The following PSMB7 variants were observed in gnomAD, a reference collection of about 807,000 sequenced individuals.
PSMB7 encodes the protein proteasome subunit beta type-7.
Under a neutral mutation model 28.1 loss-of-function variants are expected in PSMB7, and 5 were observed. That is an observed-to-expected ratio of 0.18 (90% CI 0.09 to 0.37). The LOEUF (loss-of-function observed/expected upper bound fraction) is 0.37. Ranked by LOEUF, PSMB7 falls within the 10% of genes least tolerant of loss-of-function variation. PSMB7 has a pLI of 1.00. For synonymous variants in PSMB7, 122 were observed against 123.7 expected (o/e 0.99, Z 0.09); for missense variants, 275 against 346.2 (o/e 0.79, Z 1.63).
chr9:124,404,224 C>T (rs1342996253), intron 5 of PSMB7, among the ~76,000 whole-genome samples: 2 of 152,078 alleles, frequency 1.3e-5, no homozygotes, highest in Non-Finnish European at 2.9e-5. Context: ...TCTGCCTCCA[C>T]CCCAGCCCCT....
At chr9:124,399,810 T>A (rs540778051) in intron 5 of PSMB7, among the ~76,000 whole-genome samples, 1 of 152,230 alleles carries the variant, frequency 6.6e-6, no homozygotes, top group South Asian at 2.1e-4. Flanking sequence ...GGATTCGTCC[T>A]CACCCTCAAC....
At chr9:124,390,237 C>T (rs1331074360) in intron 5 of PSMB7, among the ~76,000 whole-genome samples, 1 of 152,180 alleles carries the variant, frequency 6.6e-6, no homozygotes, top group Non-Finnish European at 1.5e-5. Flanking sequence ...TACTTTGACA[C>T]ACTTGGAGAA....
intron 6 of PSMB7, among the ~76,000 whole-genome samples, chr9:124,357,754 G>GC (rs1352091798): frequency 6.6e-6 from 1 of 152,132 alleles, no homozygotes; most frequent in African/African-American, 2.4e-5. Context: ...GGTGGATGAC[G>GC]CCCCCAGATC....
At chr9:124,358,517 G>A (rs912217955) in intron 6 of PSMB7, among the ~76,000 whole-genome samples, 1 of 152,210 alleles carries the variant, frequency 6.6e-6, no homozygotes, top group Non-Finnish European at 1.5e-5. Flanking sequence ...ATTCTCAACA[G>A]TCTATGGGGC....
intron 7 of PSMB7, among the ~76,000 whole-genome samples, chr9:124,354,911 G>A (rs897551206): frequency 3.3e-5 from 5 of 152,192 alleles, no homozygotes; most frequent in Non-Finnish European, 7.3e-5. Context: ...CGATTTTTGC[G>A]GCATGCATTC....
chr9:124,412,265 T>G (rs1216846455), intron 4 of PSMB7, 87 bp downstream of exon 4: 17 of 1,320,674 alleles, frequency 1.3e-5, no homozygotes, highest in Non-Finnish European at 1.6e-5. Flanking sequence ...GAATGTGTTT[T>G]TGCTACTTTC....
At chr9:124,408,405 C>A (rs542300392) in intron 4 of PSMB7, among the ~76,000 whole-genome samples, 164 of 152,224 alleles carry the variant, frequency 1.1e-3, no homozygotes, top group Middle Eastern at 3.4e-3. Context: ...CCTAATAATA[C>A]CTTAAATACC....
rs551509849 is a variant in PSMB7 at position 124,405,328 on chromosome 9, T to C, written c.500A>G (p.Tyr167Cys). The C allele has an allele frequency of 6.2e-7, 1 of 1,609,532 alleles. No homozygotes were observed. Among genetic ancestry groups the C allele is most frequent in the East Asian group, 2.2e-5 (1 of 44,832 alleles). ...AACGTTACACTCACCCATGGTGACA[T>C]AAGGCAACTTATCAGTTGATCCATG... ...YPHGSTDKLP[Y>C]VTMGSGSLAA... The change falls in exon 5 of 8, where the codon TAT becomes TGT. Residue 167 changes from tyrosine (Y) to cysteine (C), a missense_variant. Physicochemically the swap from Tyr to Cys is radical, Grantham distance 194. Around this residue, in one of 2 missense-constraint regions of PSMB7, gnomAD observed 213 missense variants for 302.4 expected, o/e 0.70. Coordinates refer to ENST00000259457, the MANE Select transcript of PSMB7 (RefSeq NM_002799.4).
chr9:124,408,926 T>C (rs1305746700), intron 4 of PSMB7, among the ~76,000 whole-genome samples: 2 of 152,192 alleles, frequency 1.3e-5, no homozygotes, highest in Non-Finnish European at 1.5e-5. Flanking sequence ...AATGCCCTAG[T>C]ATAGAACCCA....
At chr9:124,382,200 CTTTTTTTTTTT>C (rs1164339420) in intron 6 of PSMB7, among the ~76,000 whole-genome samples, 6 of 55,962 alleles carry the variant, frequency 1.1e-4, no homozygotes, top group Admixed American at 6.3e-4. Context: ...TCTCTTTTCT[CTTTTTTTTTTT>C]TTTTTTTTTT....
At chr9:124,360,226 A>C (rs528402588) in intron 6 of PSMB7, among the ~76,000 whole-genome samples, 49 of 152,356 alleles carry the variant, frequency 3.2e-4, no homozygotes, top group Non-Finnish European at 5.6e-4. Context: ...ATCAAGAAAA[A>C]CCACAAACTA....
At chr9:124,402,310 C>A (rs1158832343) in intron 5 of PSMB7, among the ~76,000 whole-genome samples, 1 of 152,224 alleles carries the variant, frequency 6.6e-6, no homozygotes, top group African/African-American at 2.4e-5. Context: ...TGGGCAGACA[C>A]AAAGCTGTTT....
intron 1 of PSMB7, 178 bp from the exon 2 acceptor site, chr9:124,415,113 A>T: frequency 1.6e-6 from 1 of 630,884 alleles, no homozygotes; most frequent in African/African-American, 1.8e-5. Context: ...ACAGTCTTAC[A>T]AAGGGGCCGT....
In PSMB7 at chr9:124,413,908, T is replaced by C; in HGVS notation, c.254A>G (p.Tyr85Cys). Residue 85 changes from tyrosine to cysteine, a missense_variant and splice_region_variant, in exon 3 of 8, where the codon TAT becomes TGT. Around this residue, in one of 2 missense-constraint regions of PSMB7, gnomAD observed 213 missense variants for 302.4 expected, o/e 0.70. Coordinates refer to ENST00000259457, the MANE Select transcript of PSMB7 (RefSeq NM_002799.4). ...GTTATTCAAACGAATCAATACTTAC[T>C]AAATATTAGGAGATATGAAGTGTAT... ...SKIHFISPNI[Y>C]CCGAGTAADT... 6.3e-7 allele frequency: 1 copy of C among 1,593,264 alleles called. No homozygotes were observed. The highest frequency in any genetic ancestry group is 8.6e-7 in the Non-Finnish European group (1 of 1,162,862).
intron 4 of PSMB7, among the ~76,000 whole-genome samples, chr9:124,407,477 A>C (rs1287183885): frequency 6.6e-6 from 1 of 152,158 alleles, no homozygotes; most frequent in African/African-American, 2.4e-5. Flanking sequence ...GAGAAGCCAC[A>C]ATCGCCAGTC....
intron 6 of PSMB7, among the ~76,000 whole-genome samples, chr9:124,378,059 G>A (rs1192051034): frequency 6.6e-6 from 1 of 152,236 alleles, no homozygotes; most frequent in Non-Finnish European, 1.5e-5. Context: ...TTTAAGTTGA[G>A]CATCTTCAAA....
Position 124,413,928 on chromosome 9 carries a change from G to A in PSMB7, c.234C>T (p.His78=), listed in dbSNP as rs778715234. ...VVADKNCSKI[H]FISPNIYCCG... ...CTTACTAAATATTAGGAGATATGAA[G>A]TGTATTTTTGAACAGTTCTTGTCAG... The change falls in exon 3 of 8, where the codon CAC becomes CAT. Residue 78 remains histidine, a synonymous_variant. Transcript: ENST00000259457. 2.9e-5 allele frequency: 46 copies of A among 1,606,756 alleles called. No homozygotes were observed. The highest frequency in any genetic ancestry group is 3.7e-5 in the Non-Finnish European group (44 of 1,174,156).
At chr9:124,373,213 T>A (rs1830579378) in intron 6 of PSMB7, among the ~76,000 whole-genome samples, 1 of 152,230 alleles carries the variant, frequency 6.6e-6, no homozygotes, top group South Asian at 2.1e-4. Flanking sequence ...AAATGCCAAC[T>A]TCAGTAACTG....
intron 7 of PSMB7, 77 bp from the exon 8 acceptor site, chr9:124,353,786 T>C: frequency 9.1e-7 from 1 of 1,100,872 alleles, no homozygotes; most frequent in African/African-American, 1.5e-5. Flanking sequence ...TGAAAATAAA[T>C]ATTCAGGCAA....
Sources: gnomAD v4.1 joint callset for allele counts (sites outside exome capture counted in the v4.1 genomes callset) on GRCh38, gnomAD v4.1.1 for gene constraint, gnomAD v4.1.1 regional missense constraint, MANE v1.5 for transcripts, NCBI Gene and HGNC (gene_info 2026-07-23, HGNC 2026-07-21) for gene names.